Variants in DSCAML1 observed in about 807,000 individuals in gnomAD.
DSCAML1 encodes the protein DS cell adhesion molecule like 1.
A neutral mutation model predicts 200.5 loss-of-function variants in DSCAML1; 38 were observed. The observed-to-expected ratio is 0.19, with a 90% CI of 0.15 to 0.25. The LOEUF is 0.25. DSCAML1 is among the 10% of genes least tolerant of loss of function. The probability of loss-of-function intolerance (pLI) is 1.00; values close to 1 mark genes in which losing one functional copy is unlikely to be tolerated. For synonymous variants in DSCAML1, 1,215 were observed against 1,165.0 expected, an observed-to-expected ratio of 1.04 and a Z score of -0.87; for missense variants, 2,223 against 2,858.8, an observed-to-expected ratio of 0.78 and a Z score of 5.07.
At chr11:117,479,435 T>C (rs566048367) in intron 14 of DSCAML1, among the ~76,000 whole-genome samples, 1 of 152,222 alleles carries the variant, frequency 6.6e-6, no homozygotes, top group African/African-American at 2.4e-5. Context: ...GGATCCAGAG[T>C]GAGACAGCTG....
intron 3 of DSCAML1, among the ~76,000 whole-genome samples, chr11:117,687,584 T>C (rs1298621275): frequency 2.0e-5 from 3 of 152,060 alleles, no homozygotes; most frequent in Admixed American, 6.6e-5. Flanking sequence ...ATTTAAACCC[T>C]CTAATTCTTT....
chr11:117,702,171 A>G (rs1309219096), intron 3 of DSCAML1, among the ~76,000 whole-genome samples: 1 of 152,176 alleles, frequency 6.6e-6, no homozygotes, highest in Non-Finnish European at 1.5e-5. Flanking sequence ...AAATAGGATC[A>G]TGTTGGTCTC....
intron 3 of DSCAML1, chr11:117,611,832 CCTTT>C (rs2051700273): frequency 6.6e-6 from 1 of 152,244 alleles, no homozygotes; most frequent in African/African-American, 2.4e-5. Context: ...GTCTATTCTT[CCTTT>C]AAGATACACT....
At chr11:117,683,791 A>G (rs1465194317) in intron 3 of DSCAML1, among the ~76,000 whole-genome samples, 1 of 152,194 alleles carries the variant, frequency 6.6e-6, no homozygotes, top group East Asian at 1.9e-4. Flanking sequence ...TTTATAAGTG[A>G]GCAGTGTCCT....
intron 3 of DSCAML1, among the ~76,000 whole-genome samples, chr11:117,755,115 A>G (rs1456531310): frequency 6.6e-6 from 1 of 152,104 alleles, no homozygotes; most frequent in Non-Finnish European, 1.5e-5. Context: ...AGTCTGAGGA[A>G]ATTGTGCTAC....
At chr11:117,687,426 A>ATTTTAAATTTTTTTTTT (rs552784985) in intron 3 of DSCAML1, among the ~76,000 whole-genome samples, 3 of 97,684 alleles carry the variant, frequency 3.1e-5, no homozygotes, top group African/African-American at 8.2e-5. Context: ...ATGCCTGGCT[A>ATTTTAAATTTTTTTTTT]TTTTTTTTTT....
At chr11:117,602,072 C>T (rs769298253) in intron 3 of DSCAML1, among the ~76,000 whole-genome samples, 14 of 152,260 alleles carry the variant, frequency 9.2e-5, no homozygotes, top group African/African-American at 2.9e-4. Flanking sequence ...GCATGTCTCC[C>T]GACTCTATCT....
upstream of DSCAML1, among the ~76,000 whole-genome samples, chr11:117,799,204 A>G (rs192575690): frequency 6.6e-6 from 1 of 152,298 alleles, no homozygotes; most frequent in Non-Finnish European, 1.5e-5. Context: ...TCTAAAGGGA[A>G]CGGTCATTGA....
intron 3 of DSCAML1, among the ~76,000 whole-genome samples, chr11:117,601,966 G>A (rs1045732659): frequency 6.6e-6 from 1 of 152,228 alleles, no homozygotes; most frequent in South Asian, 2.1e-4. Flanking sequence ...ATCCCCAAAT[G>A]GGGGCTGGAA....
chr11:117,491,567 A>T (rs2049182266), intron 11 of DSCAML1, among the ~76,000 whole-genome samples: 1 of 152,156 alleles, frequency 6.6e-6, no homozygotes, highest in African/African-American at 2.4e-5. Flanking sequence ...CCTGAGTTTG[A>T]CTTGAGTTTG....
rs746444744 is a variant in DSCAML1, at chr11:117,430,960, C to T, written c.5448G>A (p.Glu1816=). The change falls in exon 32 of 33, where the codon GAG becomes GAA. Residue 1816 remains glutamate (E), a synonymous_variant. Transcript: ENST00000651296. ...STYEELARAY[E]HAKLEEQLQH... is the part of the protein sequence containing the mutation. ...GCAGCTGCTCCTCCAGCTTGGCATG[C>T]TCATAGGCCCGGGCCAGCTCCTCGT... is the stretch of plus-strand genomic sequence containing the variant. The T allele has an allele frequency of 2.6e-5, 42 of 1,614,040 alleles. 1 individual carries two copies. The highest frequency in any genetic ancestry group is 3.4e-5 in the Non-Finnish European group (40 of 1,180,030).
chr11:117,807,422 G>A (rs979877378), intron 1 of DSCAML1, among the ~76,000 whole-genome samples: 5 of 152,124 alleles, frequency 3.3e-5, no homozygotes, highest in Admixed American at 2.6e-4. Flanking sequence ...CTGCCTGGGA[G>A]GAAATGACTC....
At position 117,649,039 on chromosome 11, in the gene DSCAML1, A is replaced by ATG. The variant is rs1360372357; in HGVS notation, c.512-116518_512-116517insCA. ...CCTCTCGCTCTCTCTCTCTCCATAT[A>ATG]TATGTGTGTGTGTGTGTGTGTGTGT... On this transcript the variant is annotated intron_variant, in intron 3 of 32. Coordinates refer to ENST00000651296, the MANE Select transcript of DSCAML1 (RefSeq NM_020693.4). Among the ~76,000 whole-genome samples the ATG allele has an allele frequency of 8.2e-4, 108 of 131,542 alleles. 1 individual carries two copies. Among genetic ancestry groups the ATG allele is most frequent in the African/African-American group, 3.2e-3 (100 of 31,534 alleles). The allele number at this position is 131,542 out of a possible 152,430, so 86.3% of individuals were successfully genotyped here. A position where few individuals can be genotyped will look rare whatever the true frequency, so the allele number is the denominator to read the frequency against.
chr11:117,803,978 T>C (rs1329461436), intron 1 of DSCAML1, among the ~76,000 whole-genome samples: 2 of 152,238 alleles, frequency 1.3e-5, no homozygotes, highest in Non-Finnish European at 2.9e-5. Flanking sequence ...ACGGTCTCTC[T>C]GCAGGGCAGC....
At chr11:117,464,008 A>G (rs2048531192) in intron 17 of DSCAML1, among the ~76,000 whole-genome samples, 1 of 152,134 alleles carries the variant, frequency 6.6e-6, no homozygotes, top group Non-Finnish European at 1.5e-5. Context: ...TTCAGAGAGG[A>G]TGAGCTAGGA....
intron 3 of DSCAML1, among the ~76,000 whole-genome samples, chr11:117,650,704 T>TGTGTGC (rs1317220510): frequency 7.0e-6 from 1 of 142,566 alleles, no homozygotes; most frequent in East Asian, 2.0e-4. Context: ...TGTGTGTGCG[T>TGTGTGC]GTGTGTGTGT....
At chr11:117,748,488 C>T (rs1453377595) in intron 3 of DSCAML1, among the ~76,000 whole-genome samples, 1 of 152,204 alleles carries the variant, frequency 6.6e-6, no homozygotes, top group Non-Finnish European at 1.5e-5. Context: ...AGCCACACAG[C>T]CCAGTTCCCT....
At chr11:117,665,912 C>G (rs2052965008) in intron 3 of DSCAML1, among the ~76,000 whole-genome samples, 1 of 152,236 alleles carries the variant, frequency 6.6e-6, no homozygotes, top group African/African-American at 2.4e-5. Flanking sequence ...GAATCCATTG[C>G]TCTGGGAAGT....
chr11:117,610,892 G>A (rs1457159912), intron 3 of DSCAML1, among the ~76,000 whole-genome samples: 2 of 146,948 alleles, frequency 1.4e-5, no homozygotes, highest in African/African-American at 5.0e-5. Context: ...GTATGAAGAG[G>A]TTACTTCCAT....
Sources: allele counts gnomAD v4.1 joint callset (sites outside exome capture counted in the v4.1 genomes callset), GRCh38; gene constraint gnomAD v4.1.1; transcripts MANE v1.5; gene names NCBI Gene and HGNC (gene_info 2026-07-23, HGNC 2026-07-21).